The following CDH13 variants were observed in gnomAD, a reference collection of about 807,000 sequenced individuals.
CDH13 encodes the protein cadherin 13.
In CDH13, 24 loss-of-function variants were observed where a neutral mutation model predicts 63.8. The ratio of observed to expected loss-of-function variants is 0.38; its 90% CI spans 0.27 to 0.53. The LOEUF (loss-of-function observed/expected upper bound fraction) is 0.53, where lower values mean the gene tolerates loss of function less well. Among genes scored for constraint, CDH13 ranks in the 20% least tolerant of loss-of-function variants. The pLI, the probability that CDH13 is intolerant of heterozygous loss-of-function variation, is 0.85. For synonymous variants in CDH13, 503 were observed against 355.3 expected (o/e 1.42, Z -4.67); for missense variants, 1,049 against 903.1 (o/e 1.16, Z -2.07).
intron 11 of CDH13, among the ~76,000 whole-genome samples, chr16:83,749,316 C>A (rs1277877994): frequency 6.6e-6 from 1 of 152,086 alleles, no homozygotes; most frequent in Admixed American, 6.6e-5. Context: ...AAGAAGTGAG[C>A]AATCCATGTG....
intron 2 of CDH13, among the ~76,000 whole-genome samples, chr16:82,972,768 C>A (rs1041583455): frequency 6.6e-6 from 1 of 150,798 alleles, no homozygotes; most frequent in Non-Finnish European, 1.5e-5. Context: ...CAAGAATCAG[C>A]CTTGTGTTTA....
Position 83,203,554 on chromosome 16 carries a change from G to C in CDH13, c.484-13791G>C, listed in dbSNP as rs959899980. On this transcript the variant is annotated intron_variant, in intron 4 of 13. Transcript: ENST00000567109. Reference sequence around the variant, plus strand: ...ACAAAAAAATTAGCCGGCTGTCGTGGTGGGTGCCTGTAGTCCCAGCTACTT... The same window carrying C: ...ACAAAAAAATTAGCCGGCTGTCGTGCTGGGTGCCTGTAGTCCCAGCTACTT... Among the ~76,000 whole-genome samples the C allele has an allele frequency of 4.0e-5, 6 of 150,702 alleles. No homozygotes were observed. The East Asian group carries it at 9.9e-4, about 25-fold the overall frequency.
At chr16:83,145,908 T>C (rs1453205699) in intron 4 of CDH13, among the ~76,000 whole-genome samples, 1 of 151,976 alleles carries the variant, frequency 6.6e-6, no homozygotes, top group African/African-American at 2.4e-5. Context: ...AGAAGCCAGA[T>C]TTGTAACTAA....
intron 3 of CDH13, among the ~76,000 whole-genome samples, chr16:83,105,638 A>T (rs1217565799): frequency 1.3e-5 from 2 of 151,418 alleles, no homozygotes; most frequent in Non-Finnish European, 2.9e-5. Context: ...GCATGAATTA[A>T]ATAGATACTA....
chr16:83,039,170 T>A (rs1214211659), intron 3 of CDH13, among the ~76,000 whole-genome samples: 1 of 152,242 alleles, frequency 6.6e-6, no homozygotes, highest in Non-Finnish European at 1.5e-5. Flanking sequence ...CCAGCTTCAC[T>A]GCTCCCAGTC....
At chr16:83,156,569 ACAAAGGTTTATGTTTT>A (rs1020093739) in intron 4 of CDH13, among the ~76,000 whole-genome samples, 7 of 152,196 alleles carry the variant, frequency 4.6e-5, no homozygotes, top group African/African-American at 1.7e-4. Context: ...TGGTTGTTGC[ACAAAGGTTTATGTTTT>A]CAAAGCCTCC....
At chr16:83,197,715 T>C (rs1237020270) in intron 4 of CDH13, among the ~76,000 whole-genome samples, 1 of 152,022 alleles carries the variant, frequency 6.6e-6, no homozygotes, top group African/African-American at 2.4e-5. Context: ...ATGGTGGTGA[T>C]GGATACGCAA....
intron 5 of CDH13, among the ~76,000 whole-genome samples, chr16:83,321,560 A>C: frequency 8.9e-6 from 1 of 112,512 alleles, no homozygotes; most frequent in Non-Finnish European, 1.6e-5. Context: ...ACGGAGTCTC[A>C]CTCTGTCGCC....
intron 6 of CDH13, among the ~76,000 whole-genome samples, chr16:83,432,771 A>C (rs2151485077): frequency 6.6e-6 from 1 of 152,316 alleles, no homozygotes; most frequent in Non-Finnish European, 1.5e-5. Flanking sequence ...TGCATCTTGC[A>C]CACAGCCTCA....
At chr16:83,045,634 T>TAAAAAAAAAAAAAAAAAAA (rs71382861) in intron 3 of CDH13, among the ~76,000 whole-genome samples, 10 of 107,912 alleles carry the variant, frequency 9.3e-5, no homozygotes, top group African/African-American at 3.7e-4. Context: ...AAGATTCCTT[T>TAAAAAAAAAAAAAAAAAAA]AAAAAAAAAA....
intron 1 of CDH13, among the ~76,000 whole-genome samples, chr16:82,764,671 C>G (rs375291558): frequency 2.6e-5 from 4 of 152,106 alleles, no homozygotes; most frequent in Admixed American, 2.6e-4. Context: ...ATGAAGGACA[C>G]GAATAAATGT....
At chr16:83,597,753 C>T (rs1321085906) in intron 7 of CDH13, among the ~76,000 whole-genome samples, 1 of 152,128 alleles carries the variant, frequency 6.6e-6, no homozygotes, top group African/African-American at 2.4e-5. Context: ...GTCTATTTCT[C>T]ATTATAGGTG....
Position 83,268,857 on chromosome 16 carries a change from C to T in CDH13, c.636+51360C>T, listed in dbSNP as rs192769678. On this transcript the variant is annotated intron_variant, in intron 5 of 13. Coordinates refer to ENST00000567109, the MANE Select transcript of CDH13 (RefSeq NM_001257.5). ...AGAGAGGCCAGAGCTGCTCTGCTCA[C>T]CTACCCAGTTCTTAGGTTCTACCTG... Among the ~76,000 whole-genome samples the T allele has an allele frequency of 1.4e-4, 22 of 152,196 alleles. No individual in the cohort carries two copies. The East Asian group carries it at 4.1e-3, about 28-fold the overall frequency.
At chr16:82,777,131 GTGTT>G (rs956123706) in intron 1 of CDH13, among the ~76,000 whole-genome samples, 18 of 152,092 alleles carry the variant, frequency 1.2e-4, no homozygotes, top group Admixed American at 6.6e-4. Flanking sequence ...GTTTGTTTGT[GTGTT>G]TGTTTGTTTA....
chr16:83,020,374 G>A (rs1915234096), intron 2 of CDH13, among the ~76,000 whole-genome samples: 1 of 151,988 alleles, frequency 6.6e-6, no homozygotes, highest in African/African-American at 2.4e-5. Flanking sequence ...GGAAACTCTT[G>A]GAGGAAGGGC....
intron 1 of CDH13, among the ~76,000 whole-genome samples, chr16:82,731,363 G>A (rs953940393): frequency 6.6e-6 from 1 of 152,182 alleles, no homozygotes; most frequent in Non-Finnish European, 1.5e-5. Context: ...CAGGCTCACA[G>A]TTTGCTGAAC....
chr16:82,895,741 A>G (rs543190683), intron 2 of CDH13, among the ~76,000 whole-genome samples: 2 of 151,516 alleles, frequency 1.3e-5, no homozygotes, highest in East Asian at 3.9e-4. Context: ...TCCATTATAA[A>G]CTGTTAGATT....
intron 3 of CDH13, among the ~76,000 whole-genome samples, chr16:83,117,762 C>T (rs1394162182): frequency 6.6e-6 from 1 of 152,170 alleles, no homozygotes; most frequent in Admixed American, 6.5e-5. Flanking sequence ...TTCCCTGGGC[C>T]TCCACCCTCC....
rs571023562 is a variant in CDH13 at position 83,459,015 on chromosome 16, C to T, written c.782-27462C>T. 5.4e-4 allele frequency among the ~76,000 whole-genome samples: 82 copies of T among 152,206 alleles called. 2 individuals are homozygous for T. Among genetic ancestry groups the T allele is most frequent in the Non-Finnish European group, 1.0e-3 (69 of 68,034 alleles). ...TTTTTCTTTTTATTTAACATCTTAA[C>T]TGTCAATTCCAACAAACACACTTGT... On this transcript the variant is annotated intron_variant, in intron 6 of 13. Coordinates refer to ENST00000567109, the MANE Select transcript of CDH13 (RefSeq NM_001257.5).
Sources: gnomAD v4.1 joint callset for allele counts (sites outside exome capture counted in the v4.1 genomes callset) on GRCh38, gnomAD v4.1.1 for gene constraint, MANE v1.5 for transcripts, NCBI Gene and HGNC (gene_info 2026-07-23, HGNC 2026-07-21) for gene names.